The following GP5 variants were observed in gnomAD, a reference collection of about 807,000 sequenced individuals.
GP5 encodes the protein glycoprotein V platelet.
For synonymous variants in GP5, 382 were observed against 353.9 expected (o/e 1.08, Z -0.89); for missense variants, 755 against 737.1 (o/e 1.02, Z -0.28).
Position 194,397,346 on chromosome 3 carries a change from G to A in GP5, c.937C>T (p.Leu313=), listed in dbSNP as rs774229812. 1.2e-6 allele frequency: 2 copies of A among 1,603,174 alleles called. No individual in the cohort carries two copies. The highest frequency in any genetic ancestry group is 4.5e-5 in the East Asian group (2 of 44,816). ...ACCCCTAAGTACCGCAGGCGGCTCA[G>A]GTTGCGGAAGGCGGCGGCGGGCAGG... The part of the protein sequence containing the change: ...RTLPAAAFRN[L]SRLRYLGVTL... Residue 313 remains leucine (L), a synonymous_variant, in exon 2 of 2, where the codon CTG becomes TTG. Transcript: ENST00000692618. This position sits in a 1 kb window ranked among gnomAD's most constrained non-coding sequence, Gnocchi z 7.2.
Position 194,396,881 on chromosome 3 carries a change from C to T in GP5, c.1402G>A (p.Gly468Ser). ...AGLPLWALPG[G>S]DAECPGPRGP... ...CGGGGGCCCGGGCACTCCGCGTCAC[C>T]CCCCGGCAGGGCCCAGAGCGGCAGG... is the stretch of plus-strand genomic sequence containing the variant. The change falls in exon 2 of 2, where the codon GGT becomes AGT. Residue 468 changes from glycine to serine, a missense_variant. Coordinates refer to ENST00000692618, the MANE Select transcript of GP5 (RefSeq NM_004488.2). The T allele has an allele frequency of 1.3e-6, 2 of 1,541,052 alleles. No individual in the cohort carries two copies. The highest frequency in any genetic ancestry group is 2.5e-5 in the South Asian group (2 of 79,760).
chr3:194,398,333 C>A (rs1169324026), intron 1 of GP5, 49 bp from the exon 2 acceptor site: 2 of 1,504,914 alleles, frequency 1.3e-6, no homozygotes, highest in African/African-American at 2.8e-5. Context: ...AGCGTTCGCG[C>A]CTGTACTGAA....
Position 194,396,387 on chromosome 3 carries a change from G to A in GP5, c.*213C>T. 1 of 501,304 alleles carries A rather than the reference G, an allele frequency of 2.0e-6. No individual in the cohort carries two copies. The highest frequency in any genetic ancestry group is 3.5e-6 in the Non-Finnish European group (1 of 283,342). The allele number at this position is 501,304 out of a possible 1,614,324, so 31.1% of individuals were successfully genotyped here. On this transcript the variant is annotated 3_prime_UTR_variant, in exon 2 of 2. Transcript: ENST00000692618. The stretch of plus-strand genomic sequence containing the variant: ...GCTCAGTTTCCAGGAACGGGCGGGG[G>A]ACACAGAGAGGAGGGGTTGCGGGCC...
In GP5 at chr3:194,395,730, A is replaced by T. The variant is rs1442789463; in HGVS notation, c.*870T>A. 1 of 152,390 alleles carries T rather than the reference A, an allele frequency of 6.6e-6. No individual in the cohort carries two copies. The highest frequency in any genetic ancestry group is 1.5e-5 in the Non-Finnish European group (1 of 68,158). The allele number at this position is 152,390 out of a possible 1,614,324, so 9.4% of individuals were successfully genotyped here. ...GCAAGAGCTCTACTTCTCAAATAAA[A>T]TTCGATGAAGAGGGCCAGGTGTAGT... On this transcript the variant is annotated 3_prime_UTR_variant, in exon 2 of 2. Coordinates refer to ENST00000692618, the MANE Select transcript of GP5 (RefSeq NM_004488.2).
intron 1 of GP5, among the ~76,000 whole-genome samples, chr3:194,398,778 G>A (rs116798624): frequency 6.6e-6 from 1 of 152,176 alleles, no homozygotes; most frequent in African/African-American, 2.4e-5. Context: ...TCTATTAAAG[G>A]ACACCCCCAA....
chr3:194,397,481 G>C lies in GP5; in HGVS notation c.802C>G (p.Leu268Val). 4 of 1,613,932 alleles carry C rather than the reference G, an allele frequency of 2.5e-6. No individual in the cohort carries two copies. Among genetic ancestry groups the C allele is most frequent in the Middle Eastern group, 3.3e-4 (2 of 6,062 alleles). Residue 268 changes from leucine (L) to valine (V), a missense_variant, in exon 2 of 2, where the codon CTG becomes GTG. Transcript: ENST00000692618. This position sits in a 1 kb window ranked among gnomAD's most constrained non-coding sequence, Gnocchi z 7.2. ...PSALFLHSHN[L>V]TLLTLFENPL... Reference sequence around the variant, plus strand: ...TTCTCGAACAGAGTCAACAGAGTCAGATTGTGCGAATGAAGAAAGAGCGCA... The same window carrying C: ...TTCTCGAACAGAGTCAACAGAGTCACATTGTGCGAATGAAGAAAGAGCGCA...
In GP5 at chr3:194,399,237, C is replaced by G. The variant is rs963432943; in HGVS notation, c.-3+1G>C. 6.6e-6 allele frequency among the ~76,000 whole-genome samples: 1 copy of G among 152,176 alleles called. No homozygotes were observed. The highest frequency in any genetic ancestry group is 1.9e-4 in the East Asian group (1 of 5,200). On this transcript the variant is annotated splice_donor_variant, in intron 1 of 1. Coordinates refer to ENST00000692618, the MANE Select transcript of GP5 (RefSeq NM_004488.2). LOFTEE classifies it low-confidence loss of function (5UTR_SPLICE). ...CTAATGTTTAAAATATTTGGCCTTA[C>G]CTGAAATGGTTCTGCACTCCAAAGT...
chr3:194,396,769 A>G lies in GP5; in HGVS notation c.1514T>C (p.Val505Ala), dbSNP rs1259711052. The G allele has an allele frequency of 1.2e-6, 2 of 1,613,734 alleles. No individual in the cohort carries two copies. The highest frequency in any genetic ancestry group is 1.7e-6 in the Non-Finnish European group (2 of 1,179,840). Residue 505 changes from valine to alanine, a missense_variant, in exon 2 of 2, where the codon GTG becomes GCG. Physicochemically the swap from Val to Ala is moderately conservative, Grantham distance 64. Coordinates refer to ENST00000692618, the MANE Select transcript of GP5 (RefSeq NM_004488.2). The part of the protein sequence containing the change: ...ALAPNSSEPW[V>A]WAQPVTTGKG... ...GCCCGTGGTCACCGGCTGGGCCCACACCCAGGGTTCTGAGCTGTTGGGAGC... is the reference window on the plus strand; with the variant it reads ...GCCCGTGGTCACCGGCTGGGCCCACGCCCAGGGTTCTGAGCTGTTGGGAGC...
Position 194,396,848 on chromosome 3 carries a change from G to A in GP5, c.1435C>T (p.Pro479Ser), listed in dbSNP as rs1356263573. Residue 479 changes from proline to serine, a missense_variant, in exon 2 of 2, where the codon CCT (proline) becomes TCT (serine). Coordinates refer to ENST00000692618, the MANE Select transcript of GP5 (RefSeq NM_004488.2). ...GAGCTGTCCGCAGCGGGGCGGGGAGGCGGGCCCCGGGGGCCCGGGCACTCC... is the reference window on the plus strand; with the variant it reads ...GAGCTGTCCGCAGCGGGGCGGGGAGACGGGCCCCGGGGGCCCGGGCACTCC... ...DAECPGPRGP[P>S]PRPAADSSSE... is the part of the protein sequence containing the mutation. 6 of 1,559,776 alleles carry A rather than the reference G, an allele frequency of 3.8e-6. No homozygotes were observed. Among genetic ancestry groups the A allele is most frequent in the East Asian group, 2.3e-5 (1 of 43,076 alleles).
Position 194,398,077 on chromosome 3 carries a change from C to G in GP5, c.206G>C (p.Ser69Thr). 1 of 1,613,894 alleles carries G rather than the reference C, an allele frequency of 6.2e-7. No homozygotes were observed. The highest frequency in any genetic ancestry group is 8.5e-7 in the Non-Finnish European group (1 of 1,179,924). ...CTGCAGGACGGTCATGCCGCTGAAGCTCTGGCTCTGCAGGACGCCGCGGCC... is the reference window on the plus strand; with the variant it reads ...CTGCAGGACGGTCATGCCGCTGAAGGTCTGGCTCTGCAGGACGCCGCGGCC... The part of the protein sequence containing the change: ...GMGRGVLQSQ[S>T]FSGMTVLQRL... The change falls in exon 2 of 2, where the codon AGC (serine) becomes ACC (threonine). Residue 69 changes from serine (S) to threonine (T), a missense_variant. Physicochemically the swap from Ser to Thr is moderately conservative, Grantham distance 58. Coordinates refer to ENST00000692618, the MANE Select transcript of GP5 (RefSeq NM_004488.2).
In GP5 at chr3:194,396,617, C is replaced by T. The variant is rs745325700; in HGVS notation, c.1666G>A (p.Glu556Lys). 1 of 1,611,040 alleles carries T rather than the reference C, an allele frequency of 6.2e-7. No homozygotes were observed. The highest frequency in any genetic ancestry group is 1.1e-5 in the South Asian group (1 of 90,634). Residue 556 changes from glutamate to lysine, a missense_variant, in exon 2 of 2, where the codon GAG becomes AAG. By Grantham distance (56) the Glu-to-Lys change is moderately conservative (BLOSUM62 1). Coordinates refer to ENST00000692618, the MANE Select transcript of GP5 (RefSeq NM_004488.2). ...IGQLFRKLIRERALG is the reference protein window; with the variant it reads ...IGQLFRKLIRKRALG ...CCATTGGTTTACCCAAGGGCTCTCT[C>T]TCTGATTAATTTTCGAAAGAGTTGG...
chr3:194,397,364 C>G lies in GP5; in HGVS notation c.919G>C (p.Ala307Pro). ...LNRTQLRTLP[A>P]AAFRNLSRLR... The stretch of plus-strand genomic sequence containing the variant: ...CGGCTCAGGTTGCGGAAGGCGGCGG[C>G]GGGCAGGGTGCGCAGCTGGGTGCGG... The change falls in exon 2 of 2, where the codon GCC (alanine) becomes CCC (proline). Residue 307 changes from alanine to proline, a missense_variant. Physicochemically the swap from Ala to Pro is conservative, Grantham distance 27. Transcript: ENST00000692618. The surrounding 1 kb of genome is among the most constrained non-coding windows in gnomAD (Gnocchi z 7.2). 6.2e-7 allele frequency: 1 copy of G among 1,605,666 alleles called. No homozygotes were observed. Among genetic ancestry groups the G allele is most frequent in the Non-Finnish European group, 8.5e-7 (1 of 1,178,300 alleles).
rs1714466875 is a variant in GP5, at chr3:194,396,701, G to A, written c.1582C>T (p.Leu528Phe). 6.2e-7 allele frequency: 1 copy of A among 1,613,986 alleles called. No homozygotes were observed. The highest frequency in any genetic ancestry group is 1.3e-5 in the African/African-American group (1 of 74,926). The change falls in exon 2 of 2, where the codon CTT becomes TTT. Residue 528 changes from leucine (L) to phenylalanine (F), a missense_variant. Transcript: ENST00000692618. ...HSPFWGFYFL[L>F]LAVQAMITVI... The stretch of plus-strand genomic sequence containing the variant: ...GTGATCATGGCCTGAACAGCTAAAA[G>A]CAGAAAATAAAACCCCCAGAACGGA...
rs1347778794 is a variant in GP5, at chr3:194,398,042, T to C, written c.241A>G (p.Ile81Val). The C allele has an allele frequency of 1.2e-6, 2 of 1,613,962 alleles. No homozygotes were observed. Among genetic ancestry groups the C allele is most frequent in the South Asian group, 1.1e-5 (1 of 91,066 alleles). ...SGMTVLQRLMISDSHISAVAP... is the reference protein window; with the variant it reads ...SGMTVLQRLMVSDSHISAVAP... ...ACGGCGGAAATGTGGCTGTCGGAGA[T>C]CATGAGGCGCTGCAGGACGGTCATG... is the stretch of plus-strand genomic sequence containing the variant. The change falls in exon 2 of 2, where the codon ATC becomes GTC. Residue 81 changes from isoleucine to valine, a missense_variant. By Grantham distance (29) the Ile-to-Val change is conservative. Transcript: ENST00000692618.
rs1312791962 is a variant in GP5, at chr3:194,395,341, C to A, written c.*1259G>T. On this transcript the variant is annotated 3_prime_UTR_variant, in exon 2 of 2. Coordinates refer to ENST00000692618, the MANE Select transcript of GP5 (RefSeq NM_004488.2). ...CTTTCAGTTGGAAGAACAAATGAGA[C>A]TGTGACAGCAGCTGAACTAGAATCA... 3 of 152,340 alleles carry A rather than the reference C, an allele frequency of 2.0e-5. No homozygotes were observed. Among genetic ancestry groups the A allele is most frequent in the Admixed American group, 6.5e-5 (1 of 15,304 alleles). 9.4% of individuals were successfully genotyped at this position (152,340 alleles called of 1,614,324 possible).
Position 194,397,315 on chromosome 3 carries a change from A to G in GP5, c.968T>C (p.Leu323Pro), listed in dbSNP as rs1207442224. The change falls in exon 2 of 2, where the codon CTG (leucine) becomes CCG (proline). Residue 323 changes from leucine to proline, a missense_variant. By Grantham distance (98) the Leu-to-Pro change is moderately conservative. Transcript: ENST00000692618. The surrounding 1 kb of genome is among the most constrained non-coding windows in gnomAD (Gnocchi z 7.2). ...LSRLRYLGVT[L>P]SPRLSALPQG... ...CGGAAGCGCGCTCAGCCGCGGGCTC[A>G]GAGTCACCCCTAAGTACCGCAGGCG... 1.0e-5 allele frequency: 16 copies of G among 1,590,110 alleles called. No individual in the cohort carries two copies. Among genetic ancestry groups the G allele is most frequent in the Non-Finnish European group, 1.4e-5 (16 of 1,174,446 alleles).
Position 194,398,235 on chromosome 3 carries a change from G to C in GP5, c.48C>G (p.Ala16=). The C allele has an allele frequency of 2.5e-6, 4 of 1,611,462 alleles. No individual in the cohort carries two copies. The highest frequency in any genetic ancestry group is 3.4e-6 in the Non-Finnish European group (4 of 1,178,930). ...LLCAVLGLLR[A]QPFPCPPACK... ...AAGCTGGCGGACAGGGGAAGGGCTG[G>C]GCGCGCAGAAGCCCGAGCACCGCGC... The change falls in exon 2 of 2, where the codon GCC becomes GCG. Residue 16 remains alanine, a synonymous_variant. Coordinates refer to ENST00000692618, the MANE Select transcript of GP5 (RefSeq NM_004488.2).
At chr3:194,399,146 A>C (rs1466366336) in intron 1 of GP5, among the ~76,000 whole-genome samples, 92 bp downstream of exon 1, 1 of 152,146 alleles carries the variant, frequency 6.6e-6, no homozygotes, top group African/African-American at 2.4e-5. Context: ...ATTTTACATA[A>C]ATTGCTTCTC....
chr3:194,396,740 C>T lies in GP5; in HGVS notation c.1543G>A (p.Gly515Ser). ...VWAQPVTTGK[G>S]QDHSPFWGFY... The stretch of plus-strand genomic sequence containing the variant: ...CCCCAGAACGGACTATGATCTTGAC[C>T]TTTGCCCGTGGTCACCGGCTGGGCC... Residue 515 changes from glycine (G) to serine (S), a missense_variant, in exon 2 of 2, where the codon GGT becomes AGT. Transcript: ENST00000692618. 4 of 1,614,138 alleles carry T rather than the reference C, an allele frequency of 2.5e-6. No homozygotes were observed. Among genetic ancestry groups the T allele is most frequent in the Admixed American group, 3.3e-5 (2 of 60,032 alleles).
Sources: gnomAD v4.1 joint callset for allele counts (sites outside exome capture counted in the v4.1 genomes callset) on GRCh38, gnomAD v4.1.1 for gene constraint, Gnocchi (gnomAD v3.1) non-coding constraint, MANE v1.5 for transcripts, NCBI Gene and HGNC (gene_info 2026-07-23, HGNC 2026-07-21) for gene names.